Variants in ATL2 observed in about 807,000 individuals in gnomAD.
ATL2 encodes atlastin-2.
In ATL2, 31 loss-of-function variants were observed where a neutral mutation model predicts 73.9. The observed-to-expected ratio is 0.42, with a 90% CI of 0.32 to 0.57. The LOEUF is 0.57. Ranked by LOEUF, ATL2 falls within the 20% of genes least tolerant of loss-of-function variation. The pLI, the probability that ATL2 is intolerant of heterozygous loss-of-function variation, is 0.14. For synonymous variants in ATL2, 291 were observed against 237.5 expected (o/e 1.23, Z -2.07); for missense variants, 738 against 702.6 (o/e 1.05, Z -0.57).
chr2:38,334,891 AAT>A (rs1491587961), intron 2 of ATL2, among the ~76,000 whole-genome samples: 14 of 28,478 alleles, frequency 4.9e-4, no homozygotes, highest in Non-Finnish European at 1.2e-3. Flanking sequence ...TATAATATAT[AAT>A]ATATATTATT....
At chr2:38,373,822 C>G (rs72907881) in intron 1 of ATL2, among the ~76,000 whole-genome samples, 8,742 of 152,238 alleles carry the variant, frequency 0.057, 837 homozygotes, top group African/African-American at 0.2. Flanking sequence ...AATTGTTCTA[C>G]TTCTTTCTAT....
chr2:38,296,229 G>A, intron 12 of ATL2, 116 bp from the exon 13 acceptor site: 2 of 1,417,178 alleles, frequency 1.4e-6, no homozygotes, highest in South Asian at 1.6e-5. Flanking sequence ...CAGGAATATG[G>A]GAAATAAAAA....
At chr2:38,325,331 G>T (rs1402602351) in intron 2 of ATL2, among the ~76,000 whole-genome samples, 3 of 152,176 alleles carry the variant, frequency 2.0e-5, no homozygotes, top group Non-Finnish European at 4.4e-5. Flanking sequence ...TAACACAAAG[G>T]ATCAGGAGTT....
chr2:38,369,978 C>A (rs1671573084), intron 1 of ATL2, among the ~76,000 whole-genome samples: 2 of 149,170 alleles, frequency 1.3e-5, no homozygotes, highest in Admixed American at 1.3e-4. Flanking sequence ...GGTGAAACCC[C>A]GTCTCTACTA....
At chr2:38,339,943 G>A (rs1195095317) in intron 2 of ATL2, among the ~76,000 whole-genome samples, 5 of 151,930 alleles carry the variant, frequency 3.3e-5, no homozygotes, top group South Asian at 2.1e-4. Flanking sequence ...TACCCACCTC[G>A]GCCTCCCAAA....
At chr2:38,327,556 A>C (rs1464425215) in intron 2 of ATL2, among the ~76,000 whole-genome samples, 46 of 143,328 alleles carry the variant, frequency 3.2e-4, no homozygotes, top group African/African-American at 9.2e-4. Context: ...AAAAAAAAAA[A>C]CACCAGAAAA....
intron 2 of ATL2, among the ~76,000 whole-genome samples, chr2:38,328,928 A>G (rs996823969): frequency 1.3e-5 from 2 of 151,970 alleles, no homozygotes. Context: ...AACTGAAGAG[A>G]GAGGGGAGAA....
intron 2 of ATL2, among the ~76,000 whole-genome samples, chr2:38,322,101 C>T (rs963246610): frequency 6.6e-6 from 1 of 151,928 alleles, no homozygotes; most frequent in African/African-American, 2.4e-5. Flanking sequence ...AGGCTACAAA[C>T]AATCATCTTT....
In ATL2 at chr2:38,295,571, T is replaced by C. The variant is rs374688076; in HGVS notation, c.*423A>G. On this transcript the variant is annotated 3_prime_UTR_variant, in exon 13 of 13. Coordinates refer to ENST00000378954, the MANE Select transcript of ATL2 (RefSeq NM_001135673.4). ...ATGTAGTGGCTCAATAAAGGCTTCATTGTCTTTCCAATCTGGTTCTTGAAA... is the reference window on the plus strand; with the variant it reads ...ATGTAGTGGCTCAATAAAGGCTTCACTGTCTTTCCAATCTGGTTCTTGAAA... The C allele has an allele frequency of 2.8e-4, 43 of 154,202 alleles. No homozygotes were observed. The highest frequency in any genetic ancestry group is 4.6e-4 in the Non-Finnish European group (32 of 69,446). 9.6% of individuals were successfully genotyped at this position (154,202 alleles called of 1,614,324 possible).
chr2:38,332,364 G>A (rs1017795079), intron 2 of ATL2, among the ~76,000 whole-genome samples: 12 of 152,078 alleles, frequency 7.9e-5, no homozygotes, highest in Middle Eastern at 3.4e-3. Context: ...ACACCACCAC[G>A]CTCGGCTAAT....
chr2:38,330,541 T>C (rs1668927762), intron 2 of ATL2, among the ~76,000 whole-genome samples: 1 of 152,178 alleles, frequency 6.6e-6, no homozygotes, highest in Non-Finnish European at 1.5e-5. Flanking sequence ...TTGGAACTAA[T>C]GAACAAATTC....
At chr2:38,303,910 C>G (rs904360559) in intron 9 of ATL2, among the ~76,000 whole-genome samples, 1 of 152,034 alleles carries the variant, frequency 6.6e-6, no homozygotes, top group African/African-American at 2.4e-5. Flanking sequence ...GGTGGGGGAA[C>G]TGCCTGACCC....
At chr2:38,298,984 G>A (rs1303569446) in intron 11 of ATL2, among the ~76,000 whole-genome samples, 2 of 152,120 alleles carry the variant, frequency 1.3e-5, no homozygotes, top group East Asian at 3.8e-4. Context: ...AACATCAGAA[G>A]TCACCAATAA....
chr2:38,373,680 T>C (rs1033497874), intron 1 of ATL2, among the ~76,000 whole-genome samples: 20 of 152,210 alleles, frequency 1.3e-4, no homozygotes, highest in African/African-American at 4.8e-4. Context: ...AATATGTGTA[T>C]ATACCCAAGC....
chr2:38,342,142 AAGTC>A (rs1429982993), intron 2 of ATL2, among the ~76,000 whole-genome samples: 19 of 152,078 alleles, frequency 1.2e-4, no homozygotes, highest in Non-Finnish European at 1.2e-4. Flanking sequence ...TCAGGAGAGA[AAGTC>A]AGAGTCAGGG....
chr2:38,301,396 A>C (rs1199318940), intron 9 of ATL2, among the ~76,000 whole-genome samples: 1 of 152,200 alleles, frequency 6.6e-6, no homozygotes, highest in Non-Finnish European at 1.5e-5. Flanking sequence ...CTACATAAAA[A>C]ACCACCTTCA....
At chr2:38,312,699 A>C (rs1667823152) in intron 7 of ATL2, among the ~76,000 whole-genome samples, 1 of 133,824 alleles carries the variant, frequency 7.5e-6, no homozygotes. Context: ...ATAGTGTGAG[A>C]CTGTCTTAAA....
chr2:38,327,439 T>G (rs886418972), intron 2 of ATL2, among the ~76,000 whole-genome samples: 2 of 141,394 alleles, frequency 1.4e-5, no homozygotes, highest in African/African-American at 5.3e-5. Context: ...AAAACACGTT[T>G]AACAGATATA....
Position 38,334,907 on chromosome 2 carries a change from AATAT to A in ATL2, c.363+8357_363+8360del, listed in dbSNP as rs573859322. Among the ~76,000 whole-genome samples the A allele has an allele frequency of 8.4e-3, 1,162 of 139,014 alleles. 29 individuals carry two copies. The highest frequency in any genetic ancestry group is 0.013 in the Non-Finnish European group (819 of 64,962). 91.2% of individuals were successfully genotyped at this position (139,014 alleles called of 152,430 possible). Reference sequence around the variant, plus strand: ...ATAATATATAATATATATTATTTATAATATATAAATATATTTATATATTATAATA... The same window carrying A: ...ATAATATATAATATATATTATTTATAATAAATATATTTATATATTATAATA... On this transcript the variant is annotated intron_variant, in intron 2 of 12. Transcript: ENST00000378954.
Sources: allele counts gnomAD v4.1 joint callset (sites outside exome capture counted in the v4.1 genomes callset), GRCh38; gene constraint gnomAD v4.1.1; transcripts MANE v1.5; gene names NCBI Gene and HGNC (gene_info 2026-07-23, HGNC 2026-07-21).